The following KATNBL1 variants were observed in gnomAD, a reference collection of about 807,000 sequenced individuals.
KATNBL1 encodes katanin regulatory subunit B1 like 1.
KATNBL1 carries 28 observed loss-of-function variants against 44.7 expected under a neutral mutation model. That is an observed-to-expected ratio of 0.63 (90% CI 0.46 to 0.86). The LOEUF (loss-of-function observed/expected upper bound fraction) is 0.86. KATNBL1 is among the 40% of genes least tolerant of loss of function. KATNBL1 has a pLI of 0.00. For missense variants in KATNBL1, 272 were observed against 350.7 expected, an observed-to-expected ratio of 0.78 and a Z score of 1.79; for synonymous variants, 78 against 114.9, an observed-to-expected ratio of 0.68 and a Z score of 2.06.
intron 1 of KATNBL1, chr15:34,199,900 G>A (rs1356907080): frequency 1.3e-5 from 2 of 152,172 alleles, no homozygotes; most frequent in African/African-American, 2.4e-5. Context: ...GTTGCCACTA[G>A]GGCTAGGTGG....
At chr15:34,207,560 A>G (rs567292162) in intron 1 of KATNBL1, among the ~76,000 whole-genome samples, 1 of 152,212 alleles carries the variant, frequency 6.6e-6, no homozygotes, top group African/African-American at 2.4e-5. Flanking sequence ...GCTGGTCTCA[A>G]ACTTCTGGGC....
At chr15:34,206,807 A>G (rs968063500) in intron 1 of KATNBL1, among the ~76,000 whole-genome samples, 2 of 152,060 alleles carry the variant, frequency 1.3e-5, no homozygotes, top group Non-Finnish European at 2.9e-5. Flanking sequence ...AAAAAAAAGA[A>G]AAGAAAAGTC....
At chr15:34,203,904 T>C (rs1167836822) in intron 1 of KATNBL1, among the ~76,000 whole-genome samples, 2 of 151,092 alleles carry the variant, frequency 1.3e-5, no homozygotes, top group Non-Finnish European at 2.9e-5. Flanking sequence ...AGGGGAGGGA[T>C]AGCATTAGGA....
chr15:34,155,289 T>C (rs1026654355), intron 2 of KATNBL1, among the ~76,000 whole-genome samples: 4 of 152,180 alleles, frequency 2.6e-5, no homozygotes, highest in African/African-American at 7.2e-5. Context: ...TGTCTTGGCA[T>C]AGCTGTTCTG....
In KATNBL1 at chr15:34,167,381, G is replaced by A. The variant is rs188311963; in HGVS notation, c.-14-3691C>T. 3.9e-3 allele frequency among the ~76,000 whole-genome samples: 592 copies of A among 152,264 alleles called. 6 individuals carry two copies. Among genetic ancestry groups the A allele is most frequent in the African/African-American group, 0.014 (573 of 41,546 alleles). On this transcript the variant is annotated intron_variant, in intron 1 of 9. Transcript: ENST00000256544. The stretch of plus-strand genomic sequence containing the variant: ...AGATCAAATTAATGAAATACAGCAA[G>A]AAGACAAGATTAGAGAAAAAAGAGT...
At chr15:34,159,268 G>A (rs573228259) in intron 2 of KATNBL1, among the ~76,000 whole-genome samples, 3 of 152,276 alleles carry the variant, frequency 2.0e-5, no homozygotes, top group South Asian at 2.1e-4. Context: ...GGTGGCCCCC[G>A]TGTTTTTGAG....
At chr15:34,163,526 T>C (rs748177633) in intron 2 of KATNBL1, 34 bp downstream of exon 2, 2 of 1,570,942 alleles carry the variant, frequency 1.3e-6, no homozygotes, top group Non-Finnish European at 1.7e-6. Context: ...CCGTTTAAAT[T>C]GTCTTATCTG....
intron 7 of KATNBL1, 83 bp from the exon 8 acceptor site, chr15:34,146,933 A>AAC (rs899170804): frequency 4.4e-5 from 37 of 848,340 alleles, no homozygotes; most frequent in Non-Finnish European, 6.8e-5. Context: ...CCTCCCAAAA[A>AAC]ACACACACAC....
At chr15:34,147,954 A>G (rs372229306) in intron 5 of KATNBL1, among the ~76,000 whole-genome samples, 58 of 152,072 alleles carry the variant, frequency 3.8e-4, no homozygotes, top group African/African-American at 1.3e-3. Flanking sequence ...GCAACCTCCA[A>G]CTCCTGGGTT....
chr15:34,198,234 C>T (rs908609015), intron 1 of KATNBL1: 1 of 152,162 alleles, frequency 6.6e-6, no homozygotes, highest in African/African-American at 2.4e-5. Flanking sequence ...TATACAGCTA[C>T]ATCATAGCAT....
At chr15:34,172,353 C>T (rs993787584) in intron 1 of KATNBL1, among the ~76,000 whole-genome samples, 2 of 146,322 alleles carry the variant, frequency 1.4e-5, no homozygotes, top group Non-Finnish European at 3.0e-5. Context: ...GCCTCCCAGG[C>T]TCAAGTGATT....
At position 34,153,198 on chromosome 15, in the gene KATNBL1, T is replaced by A. The variant is rs1041980795; in HGVS notation, c.159-129A>T. On this transcript the variant is annotated intron_variant, in intron 3 of 9. Transcript: ENST00000256544. Reference sequence around the variant, plus strand: ...CTAAAATTAGAAATAAATAGAATTTTAAAAATCTTAATTCTGAGTTGAAGA... The same window carrying A: ...CTAAAATTAGAAATAAATAGAATTTAAAAAATCTTAATTCTGAGTTGAAGA... The A allele has an allele frequency of 1.2e-5, 7 of 564,528 alleles. No homozygotes were observed. The African/African-American group carries it at 1.3e-4, about 11-fold the overall frequency. The allele number at this position is 564,528 out of a possible 1,614,324, so 35.0% of individuals were successfully genotyped here.
At position 34,163,659 on chromosome 15, in the gene KATNBL1, G is replaced by T. The variant is rs372463446; in HGVS notation, c.18C>A (p.His6Gln). The T allele has an allele frequency of 5.0e-5, 79 of 1,583,106 alleles. No homozygotes were observed. The Middle Eastern group carries it at 1.0e-3, about 20-fold the overall frequency. Residue 6 changes from histidine to glutamine, a missense_variant, in exon 2 of 10, where the codon CAC (histidine) becomes CAA (glutamine). Coordinates refer to ENST00000256544, the MANE Select transcript of KATNBL1 (RefSeq NM_024713.3). MASET[H>Q]NVKKRNFCNK... ...TACAAAAGTTCCGTTTTTTAACATT[G>T]TGGGTTTCTGATGCCATAATCTCTT...
Position 34,181,828 on chromosome 15 carries a change from A to AG in KATNBL1, c.-14-18139_-14-18138insC, listed in dbSNP as rs1303301863. ...TATACATATATACATGTCCATATATATCCATATATATACACATATATATAG... is the reference window on the plus strand; with the variant it reads ...TATACATATATACATGTCCATATATAGTCCATATATATACACATATATATAG... On this transcript the variant is annotated intron_variant, in intron 1 of 9. Transcript: ENST00000256544. Among the ~76,000 whole-genome samples, 10 of 95,674 alleles carry AG rather than the reference A, an allele frequency of 1.0e-4. 2 individuals carry two copies. The highest frequency in any genetic ancestry group is 3.2e-4 in the Admixed American group (3 of 9,262). The allele number at this position is 95,674 out of a possible 152,430, so 62.8% of individuals were successfully genotyped here.
chr15:34,169,549 C>A, intron 1 of KATNBL1, among the ~76,000 whole-genome samples: 1 of 152,034 alleles, frequency 6.6e-6, no homozygotes, highest in Non-Finnish European at 1.5e-5. Context: ...GAAACTATTC[C>A]ATCAATAGAA....
chr15:34,149,555 G>C (rs2339369), intron 4 of KATNBL1, among the ~76,000 whole-genome samples: 84,553 of 151,818 alleles, frequency 0.56, 24,481 homozygotes, highest in East Asian at 0.71. Context: ...TCCCCGAGTA[G>C]CTGGGATTAC....
chr15:34,147,577 G>A, intron 5 of KATNBL1, 147 bp from the exon 6 acceptor site: 47 of 394,974 alleles, frequency 1.2e-4, no homozygotes, highest in East Asian at 2.2e-4. Flanking sequence ...ATACAGCAAT[G>A]AACAAAGACA....
intron 1 of KATNBL1, among the ~76,000 whole-genome samples, chr15:34,172,301 G>A (rs1296423214): frequency 8.8e-6 from 1 of 114,220 alleles, no homozygotes; most frequent in Non-Finnish European, 1.6e-5. Context: ...CTATTGCCCA[G>A]GCTGAAGTCC....
At chr15:34,167,531 T>C (rs541515617) in intron 1 of KATNBL1, among the ~76,000 whole-genome samples, 1 of 152,270 alleles carries the variant, frequency 6.6e-6, no homozygotes, top group Admixed American at 6.5e-5. Context: ...TTCAGGGTAT[T>C]ATTCAGTAGA....
Sources: allele counts gnomAD v4.1 joint callset (sites outside exome capture counted in the v4.1 genomes callset), GRCh38; gene constraint gnomAD v4.1.1; transcripts MANE v1.5; gene names NCBI Gene and HGNC (gene_info 2026-07-23, HGNC 2026-07-21).